ANKRD26: variants seen among roughly 807,000 people sequenced by gnomAD.
The protein encoded by ANKRD26 is ankyrin repeat domain-containing protein 26.
A neutral mutation model predicts 208.7 loss-of-function variants in ANKRD26; 141 were observed. The observed-to-expected ratio is 0.68, with a 90% CI of 0.59 to 0.78. The LOEUF is 0.78. Among genes scored for constraint, ANKRD26 ranks in the 30% least tolerant of loss-of-function variants. The probability of loss-of-function intolerance (pLI) is 0.00; values close to 1 mark genes in which losing one functional copy is unlikely to be tolerated. For missense variants in ANKRD26, 1,889 were observed against 1,938.7 expected (o/e 0.97, Z 0.48); for synonymous variants, 636 against 660.4 (o/e 0.96, Z 0.57).
the ANKRD26 span, among the ~76,000 whole-genome samples, chr10:26,966,210 T>C: frequency 6.6e-6 from 1 of 152,056 alleles, no homozygotes; most frequent in Non-Finnish European, 1.5e-5. Context: ...CTATTTACAA[T>C]AGCAAAGACA....
In ANKRD26 at chr10:27,015,592, T is replaced by C. The variant is rs1318826858; in HGVS notation, c.4507-881A>G. On this transcript the variant is annotated intron_variant, in intron 30 of 33. Coordinates refer to ENST00000376087, the MANE Select transcript of ANKRD26 (RefSeq NM_014915.3). Reference sequence around the variant, plus strand: ...CCATGTGAAGAAATCTGTGTTATCATGGATTGTTACCACCTTGGCCTTGTA... The same window carrying C: ...CCATGTGAAGAAATCTGTGTTATCACGGATTGTTACCACCTTGGCCTTGTA... Among the ~76,000 whole-genome samples, 4 of 152,254 alleles carry C rather than the reference T, an allele frequency of 2.6e-5. No homozygotes were observed. In the East Asian group the frequency reaches 5.8e-4, roughly 22 times the overall value.
chr10:27,071,963 A>C (rs2055519805), intron 9 of ANKRD26, among the ~76,000 whole-genome samples: 1 of 152,220 alleles, frequency 6.6e-6, no homozygotes, highest in African/African-American at 2.4e-5. Flanking sequence ...TCCTGCCGGA[A>C]GTCAGCCAGC....
intron 25 of ANKRD26, among the ~76,000 whole-genome samples, chr10:27,032,635 C>CAAAAAAAAA (rs68062291): frequency 1.7e-4 from 23 of 135,824 alleles, no homozygotes; most frequent in East Asian, 2.2e-4. Flanking sequence ...GACTCTGTCT[C>CAAAAAAAAA]AAAAAAAAAA....
chr10:27,005,616 C>T lies in ANKRD26; in HGVS notation c.5107G>A (p.Val1703Ile), dbSNP rs1330485324. 1 of 1,612,486 alleles carries T rather than the reference C, an allele frequency of 6.2e-7. No individual in the cohort carries two copies. The highest frequency in any genetic ancestry group is 1.7e-5 in the Admixed American group (1 of 59,968). ...CAGATCATATAATTTTTCTTTAAAA[C>T]CTGTACATATTCTCTTGATGCTTTC... ...VWKASREYVQ[V>I]LKKNYMI The change falls in exon 34 of 34, where the codon GTT becomes ATT. Residue 1703 changes from valine (V) to isoleucine (I), a missense_variant. By Grantham distance (29) the Val-to-Ile change is conservative. Transcript: ENST00000376087.
intron 4 of ANKRD26, among the ~76,000 whole-genome samples, chr10:27,087,227 G>A (rs1416285166): frequency 1.3e-5 from 2 of 152,182 alleles, no homozygotes; most frequent in African/African-American, 4.8e-5. Flanking sequence ...GTAACCAACA[G>A]CTATTTGTTC....
At chr10:27,047,722 C>CTACTACTACTAA (rs1235967013) in intron 17 of ANKRD26, among the ~76,000 whole-genome samples, 269 of 145,142 alleles carry the variant, frequency 1.9e-3, no homozygotes, top group African/African-American at 6.3e-3. Context: ...ACTACTACTA[C>CTACTACTACTAA]TAATAATAAT....
At chr10:26,955,554 T>C in the ANKRD26 span, among the ~76,000 whole-genome samples, 2 of 152,174 alleles carry the variant, frequency 1.3e-5, no homozygotes, top group African/African-American at 4.8e-5. Context: ...AGTGAGAAGA[T>C]CTTTGAAGAC....
At chr10:27,028,106 A>G (rs1369425384) in intron 27 of ANKRD26, among the ~76,000 whole-genome samples, 2 of 152,134 alleles carry the variant, frequency 1.3e-5, no homozygotes, top group Non-Finnish European at 2.9e-5. Context: ...TCAACTTACA[A>G]TGTGTTTATG....
At chr10:27,050,518 G>C (rs1237092166) in intron 16 of ANKRD26, among the ~76,000 whole-genome samples, 2 of 152,106 alleles carry the variant, frequency 1.3e-5, no homozygotes, top group Non-Finnish European at 2.9e-5. Flanking sequence ...TGATCAGAAT[G>C]GAATTATAAG....
At chr10:27,064,845 G>A (rs1377248159) in intron 11 of ANKRD26, among the ~76,000 whole-genome samples, 1 of 152,006 alleles carries the variant, frequency 6.6e-6, no homozygotes, top group Admixed American at 6.5e-5. Flanking sequence ...AGTATAGCAA[G>A]CCTTCATAAA....
At chr10:27,015,567 C>A (rs2053261160) in intron 30 of ANKRD26, among the ~76,000 whole-genome samples, 1 of 152,178 alleles carries the variant, frequency 6.6e-6, no homozygotes, top group Admixed American at 6.5e-5. Flanking sequence ...ATCATAAATA[C>A]CATGTGAAGA....
intron 9 of ANKRD26, among the ~76,000 whole-genome samples, chr10:27,076,780 C>T (rs1036488160): frequency 2.0e-5 from 3 of 152,044 alleles, no homozygotes; most frequent in Non-Finnish European, 2.9e-5. Flanking sequence ...ACACGTAACT[C>T]CTCTAGCTTG....
chr10:27,072,328 T>C (rs1306622204), intron 9 of ANKRD26, among the ~76,000 whole-genome samples: 1 of 152,170 alleles, frequency 6.6e-6, no homozygotes, highest in African/African-American at 2.4e-5. Flanking sequence ...CTTCTGTGGA[T>C]TCTTTTGTGC....
At chr10:27,027,252 G>A (rs981554732) in intron 27 of ANKRD26, among the ~76,000 whole-genome samples, 1 of 152,108 alleles carries the variant, frequency 6.6e-6, no homozygotes, top group African/African-American at 2.4e-5. Context: ...CATTACTTTG[G>A]GGGAAAAGAA....
Position 27,013,103 on chromosome 10 carries a change from C to A in ANKRD26, c.4732G>T (p.Glu1578Ter). ...TTGGTGTTGACCTCTGCTAGCCTCTCATTAGTTCTGTGAAGATTGCAGAAG... is the reference window on the plus strand; with the variant it reads ...TTGGTGTTGACCTCTGCTAGCCTCTAATTAGTTCTGTGAAGATTGCAGAAG... ...SLSSKLTKTN[E>*]RLAEVNTKLL... Residue 1578 changes from glutamate to a stop codon, truncating the protein, a stop_gained, in exon 32 of 34, where the codon GAG becomes TAG. Transcript: ENST00000376087. LOFTEE classifies it high-confidence loss of function. 1 of 1,613,642 alleles carries A rather than the reference C, an allele frequency of 6.2e-7. No individual in the cohort carries two copies. The highest frequency in any genetic ancestry group is 1.1e-5 in the South Asian group (1 of 91,048).
At chr10:26,977,530 A>G (rs938319643) in intron 5 of ANKRD26, among the ~76,000 whole-genome samples, 5 of 152,186 alleles carry the variant, frequency 3.3e-5, no homozygotes. Context: ...GCATACACAC[A>G]CAAAGGGATA....
At chr10:26,999,807 CA>C (rs68192322), downstream of ANKRD26, among the ~76,000 whole-genome samples, 6,568 of 74,802 alleles carry the variant, frequency 0.088, 132 homozygotes, top group African/African-American at 0.15. Flanking sequence ...CAAAACCAAC[CA>C]AAAAAAAAAA....
intron 20 of ANKRD26, among the ~76,000 whole-genome samples, chr10:27,042,798 CAAA>C (rs60850386): frequency 3.3e-4 from 16 of 48,950 alleles, no homozygotes; most frequent in African/African-American, 5.6e-4. Context: ...CAAAAAAATA[CAAA>C]AAAAAAAAAA....
At chr10:26,956,301 T>C in the ANKRD26 span, among the ~76,000 whole-genome samples, 1 of 152,206 alleles carries the variant, frequency 6.6e-6, no homozygotes, top group Non-Finnish European at 1.5e-5. Context: ...AACATTGTTT[T>C]ACCATATGTC....
Sources: gnomAD v4.1 joint callset for allele counts (sites outside exome capture counted in the v4.1 genomes callset) on GRCh38, gnomAD v4.1.1 for gene constraint, MANE v1.5 for transcripts, NCBI Gene and HGNC (gene_info 2026-07-23, HGNC 2026-07-21) for gene names.